Variants in LARGE1 observed in about 807,000 individuals in gnomAD.
LARGE1 encodes the protein xylosyl- and glucuronyltransferase LARGE1.
In LARGE1, 43 loss-of-function variants were observed where a neutral mutation model predicts 87.6. The observed-to-expected ratio is 0.49, with a 90% confidence interval of 0.38 to 0.63. The LOEUF (loss-of-function observed/expected upper bound fraction) is 0.63, where lower values mean the gene tolerates loss of function less well. Among genes scored for constraint, LARGE1 ranks in the 30% least tolerant of loss-of-function variants. The probability of loss-of-function intolerance (pLI) is 0.00; values close to 1 mark genes in which losing one functional copy is unlikely to be tolerated. For missense variants in LARGE1, 802 were observed against 1,000.2 expected, an observed-to-expected ratio of 0.80 and a Z score of 2.67; for synonymous variants, 434 against 394.6, an observed-to-expected ratio of 1.10 and a Z score of -1.18.
intron 11 of LARGE1, among the ~76,000 whole-genome samples, chr22:33,202,497 A>G (rs929935456): frequency 9.2e-5 from 14 of 152,246 alleles, no homozygotes; most frequent in African/African-American, 3.4e-4. Flanking sequence ...TCAAGAAGAC[A>G]TGAAATTATG....
chr22:33,821,841 A>T (rs977421224), intron 1 of LARGE1, among the ~76,000 whole-genome samples: 9 of 152,198 alleles, frequency 5.9e-5, no homozygotes, highest in African/African-American at 2.2e-4. Context: ...GAACAGAGGA[A>T]TTAGACTGAA....
intron 1 of LARGE1, among the ~76,000 whole-genome samples, chr22:33,806,059 A>C (rs1298959777): frequency 1.3e-5 from 2 of 152,114 alleles, no homozygotes; most frequent in Admixed American, 1.3e-4. Flanking sequence ...ATGAACTCCA[A>C]AACAAAACCC....
chr22:33,195,749 C>CTTTTTTTTTTTTTTTTTTTTTTTTTT (rs201916623), intron 11 of LARGE1, among the ~76,000 whole-genome samples: 1 of 89,696 alleles, frequency 1.1e-5, no homozygotes, highest in Non-Finnish European at 2.3e-5. Flanking sequence ...TTTCTTTTTT[C>CTTTTTTTTTTTTTTTTTTTTTTTTTT]TTTTTTCTTT....
intron 6 of LARGE1, among the ~76,000 whole-genome samples, chr22:33,473,543 C>T (rs975989198): frequency 2.0e-5 from 3 of 151,950 alleles, no homozygotes; most frequent in Non-Finnish European, 2.9e-5. Context: ...TTAGTAGAGA[C>T]GAGGTTTCAC....
intron 6 of LARGE1, among the ~76,000 whole-genome samples, chr22:33,502,589 G>C (rs2070510907): frequency 6.6e-6 from 1 of 151,838 alleles, no homozygotes; most frequent in Admixed American, 6.6e-5. Flanking sequence ...TTTTTTTTGA[G>C]ACAGAGTCTG....
At chr22:33,438,103 G>GT (rs1247656531) in intron 6 of LARGE1, among the ~76,000 whole-genome samples, 1 of 152,156 alleles carries the variant, frequency 6.6e-6, no homozygotes, top group Non-Finnish European at 1.5e-5. Context: ...CAGGTGATCT[G>GT]TGACAGTTCC....
At chr22:33,868,513 C>A (rs950032151) in intron 1 of LARGE1, among the ~76,000 whole-genome samples, 1 of 152,056 alleles carries the variant, frequency 6.6e-6, no homozygotes, top group African/African-American at 2.4e-5. Flanking sequence ...GGCCTAAAAC[C>A]ATTACTGTCC....
intron 9 of LARGE1, among the ~76,000 whole-genome samples, chr22:33,349,375 C>A (rs1410768876): frequency 6.6e-6 from 1 of 152,210 alleles, no homozygotes; most frequent in Non-Finnish European, 1.5e-5. Context: ...ATGGAGCCTG[C>A]AGCAGATCCA....
intron 11 of LARGE1, among the ~76,000 whole-genome samples, chr22:33,261,694 A>G (rs1927634091): frequency 6.6e-6 from 1 of 152,184 alleles, no homozygotes; most frequent in South Asian, 2.1e-4. Flanking sequence ...ACTTTCTGTT[A>G]GTGTGGGGAG....
Position 33,557,444 on chromosome 22 carries a change from G to C in LARGE1, c.787+7404C>G, listed in dbSNP as rs189985887. Reference sequence around the variant, plus strand: ...GGTACAAGGAGGAAATAATGGAAGAGGTCATCAAAATTTTCCAAGTGGAAA... The same window carrying C: ...GGTACAAGGAGGAAATAATGGAAGACGTCATCAAAATTTTCCAAGTGGAAA... On this transcript the variant is annotated intron_variant, in intron 6 of 14. Transcript: ENST00000397394. 3.9e-4 allele frequency among the ~76,000 whole-genome samples: 59 copies of C among 152,274 alleles called. 1 individual carries two copies. In the East Asian group the frequency reaches 9.7e-3, roughly 25 times the overall value.
chr22:33,516,230 AAC>A (rs2071297850), intron 6 of LARGE1, among the ~76,000 whole-genome samples: 1 of 152,102 alleles, frequency 6.6e-6, no homozygotes, highest in Admixed American at 6.5e-5. Context: ...AAGGCGGGGA[AAC>A]AGTAAGCACA....
chr22:33,830,814 C>T (rs1378129968), intron 1 of LARGE1, among the ~76,000 whole-genome samples: 4 of 152,220 alleles, frequency 2.6e-5, no homozygotes, highest in Admixed American at 2.0e-4. Context: ...GGTGAGGGCA[C>T]CCTTGCTGCT....
chr22:33,684,941 A>G (rs940780218), intron 2 of LARGE1, among the ~76,000 whole-genome samples: 2 of 152,104 alleles, frequency 1.3e-5, no homozygotes, highest in Admixed American at 6.5e-5. Flanking sequence ...AGGCTCCATG[A>G]CCATTGGTTT....
intron 7 of LARGE1, among the ~76,000 whole-genome samples, chr22:33,420,885 C>T (rs916945185): frequency 1.3e-5 from 2 of 152,150 alleles, no homozygotes; most frequent in South Asian, 4.1e-4. Context: ...TTACGTACTT[C>T]GAGTATTAAA....
chr22:33,863,759 CTCTG>C (rs780589306), intron 1 of LARGE1, among the ~76,000 whole-genome samples: 7 of 142,494 alleles, frequency 4.9e-5, no homozygotes, highest in Non-Finnish European at 9.1e-5. Context: ...CAGAGCGAGA[CTCTG>C]TCTCAGAAAA....
chr22:33,387,535 G>GGGGGGGGGGGGGAA (rs2065373111), intron 7 of LARGE1, among the ~76,000 whole-genome samples: 1 of 143,294 alleles, frequency 7.0e-6, no homozygotes, highest in Non-Finnish European at 1.5e-5. Flanking sequence ...TGGGGGGGGG[G>GGGGGGGGGGGGGAA]ATGGTGGGAA....
At chr22:33,781,929 G>A (rs1306424985) in intron 1 of LARGE1, among the ~76,000 whole-genome samples, 1 of 151,886 alleles carries the variant, frequency 6.6e-6, no homozygotes, top group Non-Finnish European at 1.5e-5. Flanking sequence ...GAAAATCAAT[G>A]TGTGTGTGTG....
intron 6 of LARGE1, among the ~76,000 whole-genome samples, chr22:33,473,409 G>A (rs1478700493): frequency 6.6e-6 from 1 of 152,004 alleles, no homozygotes; most frequent in Non-Finnish European, 1.5e-5. Context: ...AAGTGCAGTG[G>A]CACTATCTCG....
intron 2 of LARGE1, among the ~76,000 whole-genome samples, chr22:33,701,495 G>A (rs981072620): frequency 6.6e-6 from 1 of 152,170 alleles, no homozygotes; most frequent in Non-Finnish European, 1.5e-5. Context: ...AGGGTGGAAC[G>A]TGATTTAACA....
Sources: allele counts gnomAD v4.1 joint callset (sites outside exome capture counted in the v4.1 genomes callset), GRCh38; gene constraint gnomAD v4.1.1; transcripts MANE v1.5; gene names NCBI Gene and HGNC (gene_info 2026-07-23, HGNC 2026-07-21).